Variants in DSCAML1 observed in about 807,000 individuals in gnomAD.
The protein encoded by DSCAML1 is DS cell adhesion molecule like 1.
Under a neutral mutation model 200.5 loss-of-function variants are expected in DSCAML1, and 38 were observed. The observed-to-expected ratio is 0.19, with a 90% CI of 0.15 to 0.25. The LOEUF is 0.25. Among genes scored for constraint, DSCAML1 ranks in the 10% least tolerant of loss-of-function variants. The pLI, the probability that DSCAML1 is intolerant of heterozygous loss-of-function variation, is 1.00. For missense variants in DSCAML1, 2,223 were observed against 2,858.8 expected (o/e 0.78, Z 5.07); for synonymous variants, 1,215 against 1,165.0 (o/e 1.04, Z -0.87).
chr11:117,622,434 C>G (rs1243875470), intron 3 of DSCAML1, among the ~76,000 whole-genome samples: 3 of 152,164 alleles, frequency 2.0e-5, no homozygotes, highest in African/African-American at 4.8e-5. Context: ...CTGGAGCTGG[C>G]TGGCAATGGT....
chr11:117,473,866 G>A (rs537117792), intron 14 of DSCAML1, among the ~76,000 whole-genome samples: 2 of 152,264 alleles, frequency 1.3e-5, no homozygotes, highest in South Asian at 4.1e-4. Context: ...TACCTGCTGT[G>A]GGCACTTGCT....
chr11:117,605,373 C>T (rs1169993153), intron 3 of DSCAML1, among the ~76,000 whole-genome samples: 1 of 152,204 alleles, frequency 6.6e-6, no homozygotes, highest in Non-Finnish European at 1.5e-5. Flanking sequence ...AATCAATCCT[C>T]TACCCCAAGC....
intron 3 of DSCAML1, among the ~76,000 whole-genome samples, chr11:117,622,322 A>T (rs2051950393): frequency 6.6e-6 from 1 of 152,248 alleles, no homozygotes; most frequent in Admixed American, 6.5e-5. Flanking sequence ...AGAAGCCGCC[A>T]TCTGTAAGAT....
At chr11:117,655,784 G>A (rs1244875119) in intron 3 of DSCAML1, among the ~76,000 whole-genome samples, 1 of 152,204 alleles carries the variant, frequency 6.6e-6, no homozygotes, top group East Asian at 1.9e-4. Flanking sequence ...GCATATTTGA[G>A]GACTTGGACT....
At chr11:117,530,794 G>A (rs1464807261) in intron 4 of DSCAML1, among the ~76,000 whole-genome samples, 3 of 152,150 alleles carry the variant, frequency 2.0e-5, no homozygotes, top group Non-Finnish European at 2.9e-5. Context: ...CAGAATCAGA[G>A]CAGCCACCTA....
At position 117,780,050 on chromosome 11, in the gene DSCAML1, A is replaced by T. The variant is rs746364822; in HGVS notation, c.364+443T>A. 1.3e-5 allele frequency among the ~76,000 whole-genome samples: 2 copies of T among 151,608 alleles called. No individual in the cohort carries two copies. The highest frequency in any genetic ancestry group is 2.9e-5 in the Non-Finnish European group (2 of 67,946). Reference sequence around the variant, plus strand: ...GTAGGTACTTGCATCCACTTTGCAGATGGGAAAACTGAGGCTTAGGAAGGT... The same window carrying T: ...GTAGGTACTTGCATCCACTTTGCAGTTGGGAAAACTGAGGCTTAGGAAGGT... On this transcript the variant is annotated intron_variant, in intron 2 of 32. Coordinates refer to ENST00000651296, the MANE Select transcript of DSCAML1 (RefSeq NM_020693.4). The surrounding 1 kb of genome is among the most constrained non-coding windows in gnomAD (Gnocchi z 4.8).
chr11:117,464,115 T>C (rs4938388), intron 17 of DSCAML1, among the ~76,000 whole-genome samples: 20,925 of 152,158 alleles, frequency 0.14, 1,664 homozygotes, highest in Admixed American at 0.2. Flanking sequence ...CTCCGGACTG[T>C]TGGTTTCGCT....
At chr11:117,809,676 A>G (rs2055740062) in intron 1 of DSCAML1, among the ~76,000 whole-genome samples, 1 of 152,068 alleles carries the variant, frequency 6.6e-6, no homozygotes, top group Non-Finnish European at 1.5e-5. Context: ...ACTGGAGGGG[A>G]CCAATGGTGT....
At position 117,428,399 on chromosome 11, in the gene DSCAML1, T is replaced by G; in HGVS notation, c.6091A>C (p.Ser2031Arg). The change falls in exon 33 of 33, where the codon AGC becomes CGC. Residue 2031 changes from serine (S) to arginine (R), a missense_variant. This residue lies in a region of DSCAML1 where 280 missense variants were observed against 213.4 expected (regional missense o/e 1.31). Transcript: ENST00000651296. ...GGSRDSLLEM[S>R]TSGVGRSQKQ... ...TGAGACCTCCCTACCCCCGATGTGC[T>G]CATCTCGAGAAGCGAGTCCCTGGAG... is the stretch of plus-strand genomic sequence containing the variant. The G allele has an allele frequency of 6.3e-7, 1 of 1,576,618 alleles. No homozygotes were observed. Among genetic ancestry groups the G allele is most frequent in the Non-Finnish European group, 8.6e-7 (1 of 1,165,950 alleles).
rs539598068 is a variant in DSCAML1 at position 117,654,854 on chromosome 11, C to T, written c.511+121937G>A. On this transcript the variant is annotated intron_variant, in intron 3 of 32. Transcript: ENST00000651296. ...GGGTGGAGGAAACGGCGGGTAGGAA[C>T]GGCAATGCTTTATTCCGGGTACCCT... 7.2e-5 allele frequency among the ~76,000 whole-genome samples: 11 copies of T among 152,164 alleles called. No individual in the cohort carries two copies. In the South Asian group the frequency reaches 1.7e-3, roughly 23 times the overall value.
intron 3 of DSCAML1, among the ~76,000 whole-genome samples, chr11:117,776,333 C>T (rs2055128597): frequency 6.6e-6 from 1 of 152,176 alleles, no homozygotes; most frequent in Non-Finnish European, 1.5e-5. Flanking sequence ...ACACATGCTT[C>T]CTGAAGTCAG....
chr11:117,747,844 G>T (rs894360440), intron 3 of DSCAML1, among the ~76,000 whole-genome samples: 39 of 152,178 alleles, frequency 2.6e-4, no homozygotes, highest in African/African-American at 9.2e-4. Flanking sequence ...GGGTCCAGGG[G>T]AACCTAAATG....
At chr11:117,465,609 A>G (rs934711149) in intron 16 of DSCAML1, among the ~76,000 whole-genome samples, 1 of 152,124 alleles carries the variant, frequency 6.6e-6, no homozygotes, top group Non-Finnish European at 1.5e-5. Context: ...ACAGTCTATA[A>G]ATTTCACTTA....
In DSCAML1 at chr11:117,437,731, C is replaced by T. The variant is rs1392953698; in HGVS notation, c.4432+164G>A. On this transcript the variant is annotated intron_variant, in intron 25 of 32. Transcript: ENST00000651296. This position sits in a 1 kb window ranked among gnomAD's most constrained non-coding sequence, Gnocchi z 5.3. ...TTTTTCCTAATGGGATCCATCGGGA[C>T]ACTGTGGTGACGGGAAGGAGGCTGA... Among the ~76,000 whole-genome samples the T allele has an allele frequency of 6.6e-6, 1 of 152,138 alleles. No homozygotes were observed. The highest frequency in any genetic ancestry group is 1.5e-5 in the Non-Finnish European group (1 of 68,006).
chr11:117,461,560 G>C lies in DSCAML1; in HGVS notation c.3302C>G (p.Ser1101Cys), dbSNP rs1362588727. 1 of 1,614,010 alleles carries C rather than the reference G, an allele frequency of 6.2e-7. No individual in the cohort carries two copies. Among genetic ancestry groups the C allele is most frequent in the Non-Finnish European group, 8.5e-7 (1 of 1,180,042 alleles). ...SQPPENVRAL[S>C]ITSDVAVISW... The stretch of plus-strand genomic sequence containing the variant: ...GATGACGGCCACGTCAGAAGTGATG[G>C]ACAGGGCCCGGACGTTCTCAGGGGG... Residue 1101 changes from serine to cysteine, a missense_variant, in exon 18 of 33, where the codon TCC (serine) becomes TGC (cysteine). This residue lies in a region of DSCAML1 where 438 missense variants were observed against 629.7 expected (regional missense o/e 0.70). Transcript: ENST00000651296.
intron 3 of DSCAML1, among the ~76,000 whole-genome samples, chr11:117,552,553 T>C (rs2050487650): frequency 6.6e-6 from 1 of 152,072 alleles, no homozygotes. Flanking sequence ...GGGCAATCAT[T>C]TCCTCACCTT....
At chr11:117,732,467 C>T (rs939595580) in intron 3 of DSCAML1, among the ~76,000 whole-genome samples, 3 of 152,136 alleles carry the variant, frequency 2.0e-5, no homozygotes, top group Non-Finnish European at 2.9e-5. Flanking sequence ...TTCTTGGGGG[C>T]CTGGCTGCCT....
In DSCAML1 at chr11:117,780,418, C is replaced by G. The variant is rs190733687; in HGVS notation, c.364+75G>C. The G allele has an allele frequency of 7.7e-7, 1 of 1,299,484 alleles. No individual in the cohort carries two copies. Among genetic ancestry groups the G allele is most frequent in the Non-Finnish European group, 1.0e-6 (1 of 992,736 alleles). 80.5% of individuals were successfully genotyped at this position (1,299,484 alleles called of 1,614,324 possible). ...TCTTGAGTGAACGACTTCTTGCAAG[C>G]CCCTCCGAATATCCTCAGAATGACG... On this transcript the variant is annotated intron_variant, in intron 2 of 32. Coordinates refer to ENST00000651296, the MANE Select transcript of DSCAML1 (RefSeq NM_020693.4). The surrounding 1 kb of genome is among the most constrained non-coding windows in gnomAD (Gnocchi z 4.8).
At chr11:117,685,449 A>T (rs2053387813) in intron 3 of DSCAML1, among the ~76,000 whole-genome samples, 1 of 152,202 alleles carries the variant, frequency 6.6e-6, no homozygotes, top group Non-Finnish European at 1.5e-5. Flanking sequence ...AGGCAGGGTC[A>T]TGGGCAGGGC....
Sources: allele counts gnomAD v4.1 joint callset (sites outside exome capture counted in the v4.1 genomes callset), GRCh38; gene constraint gnomAD v4.1.1; regional missense constraint gnomAD v4.1.1; non-coding constraint Gnocchi (gnomAD v3.1); transcripts MANE v1.5; gene names NCBI Gene and HGNC (gene_info 2026-07-23, HGNC 2026-07-21).